Variants in NFIC observed in about 807,000 individuals in gnomAD.
NFIC encodes the protein nuclear factor 1 C-type.
NFIC carries 12 observed loss-of-function variants against 54.4 expected under a neutral mutation model. The ratio of observed to expected loss-of-function variants is 0.22; its 90% CI spans 0.14 to 0.36. The LOEUF (loss-of-function observed/expected upper bound fraction) is 0.36. Among genes scored for constraint, NFIC ranks in the 10% least tolerant of loss-of-function variants. The pLI is 1.00. For synonymous variants in NFIC, 322 were observed against 319.2 expected (o/e 1.01, Z -0.09); for missense variants, 575 against 718.2 (o/e 0.80, Z 2.28).
In NFIC at chr19:3,369,036, A is replaced by C. The variant is rs2080950066; in HGVS notation, c.30+2370A>C. On this transcript the variant is annotated intron_variant, in intron 1 of 10. Transcript: ENST00000443272. The surrounding 1 kb of genome is among the most constrained non-coding windows in gnomAD (Gnocchi z 4.3). The stretch of plus-strand genomic sequence containing the variant: ...TGGTCTCTTTGTGTCTCTCTTTCTC[A>C]TCCTCTGTCTCTCTGATGTCTCAGT... Among the ~76,000 whole-genome samples the C allele has an allele frequency of 1.4e-5, 2 of 143,712 alleles. No individual in the cohort carries two copies. Among genetic ancestry groups the C allele is most frequent in the Non-Finnish European group, 1.5e-5 (1 of 65,996 alleles). The allele number at this position is 143,712 out of a possible 152,430, so 94.3% of individuals were successfully genotyped here.
In NFIC at chr19:3,381,911, T is replaced by A; in HGVS notation, c.230T>A (p.Leu77Gln). The change falls in exon 2 of 11, where the codon CTG (leucine) becomes CAG (glutamine). Residue 77 changes from leucine (L) to glutamine (Q), a missense_variant. Coordinates refer to ENST00000443272, the MANE Select transcript of NFIC (RefSeq NM_001245002.2). ...AAGCAGAAGTGGGCGTCGCGGCTGCTGGCCAAGCTGCGCAAGGACATCCGG... is the reference window on the plus strand; with the variant it reads ...AAGCAGAAGTGGGCGTCGCGGCTGCAGGCCAAGCTGCGCAAGGACATCCGG... ...EVKQKWASRL[L>Q]AKLRKDIRPE... 6.2e-7 allele frequency: 1 copy of A among 1,613,738 alleles called. No homozygotes were observed. The highest frequency in any genetic ancestry group is 8.5e-7 in the Non-Finnish European group (1 of 1,179,928).
rs903524909 is a variant in NFIC at position 3,463,299 on chromosome 19, C to T, written c.*530C>T. 79 of 988,528 alleles carry T rather than the reference C, an allele frequency of 8.0e-5. No homozygotes were observed. In the South Asian group the frequency reaches 1.5e-3, roughly 19 times the overall value. The allele number at this position is 988,528 out of a possible 1,614,324, so 61.2% of individuals were successfully genotyped here. ...CCCCGCGCCTCTGCCGGACACGGAC[C>T]GGCCCCTCAGCCCCCACCGAGGACG... On this transcript the variant is annotated 3_prime_UTR_variant, in exon 11 of 11. Coordinates refer to ENST00000443272, the MANE Select transcript of NFIC (RefSeq NM_001245002.2).
chr19:3,417,080 T>C (rs2081870396), intron 2 of NFIC, among the ~76,000 whole-genome samples: 2 of 150,268 alleles, frequency 1.3e-5, no homozygotes, highest in South Asian at 4.2e-4. Flanking sequence ...AGAGATGGGG[T>C]TTCACCATGT....
At chr19:3,443,650 G>A (rs2082326969) in intron 6 of NFIC, among the ~76,000 whole-genome samples, 1 of 152,058 alleles carries the variant, frequency 6.6e-6, no homozygotes, top group Non-Finnish European at 1.5e-5. Context: ...TCTCTTGGGG[G>A]TCCATGGAAT....
chr19:3,365,548 C>T (rs998313415), upstream of NFIC, among the ~76,000 whole-genome samples: 1 of 152,164 alleles, frequency 6.6e-6, no homozygotes. Context: ...AGGTCTCTGC[C>T]CTGTTACGTC....
At chr19:3,432,435 G>A (rs2082134270) in intron 3 of NFIC, among the ~76,000 whole-genome samples, 1 of 152,158 alleles carries the variant, frequency 6.6e-6, no homozygotes, top group Non-Finnish European at 1.5e-5. Flanking sequence ...CCAGTCTGAA[G>A]GGGAGAAGAA....
At chr19:3,420,611 G>A (rs908762321) in intron 2 of NFIC, among the ~76,000 whole-genome samples, 3 of 141,986 alleles carry the variant, frequency 2.1e-5, no homozygotes, top group Non-Finnish European at 4.7e-5. Flanking sequence ...CACCATCAAA[G>A]ACAGTACCAA....
chr19:3,381,566 G>T (rs904204141), intron 1 of NFIC, 146 bp from the exon 2 acceptor site: 1 of 1,269,642 alleles, frequency 7.9e-7, no homozygotes, highest in African/African-American at 1.5e-5. Context: ...GCACGGGTCC[G>T]CAGCGACCCC....
chr19:3,434,018 C>A (rs2082160671), intron 4 of NFIC, among the ~76,000 whole-genome samples: 1 of 152,172 alleles, frequency 6.6e-6, no homozygotes, highest in Non-Finnish European at 1.5e-5. Flanking sequence ...CTGACTGACA[C>A]CTTCCCTGTC....
intron 3 of NFIC, among the ~76,000 whole-genome samples, chr19:3,427,337 A>C (rs569957242): frequency 6.6e-6 from 1 of 152,274 alleles, no homozygotes; most frequent in East Asian, 1.9e-4. Context: ...TCATCTCCCC[A>C]GTGGAATGTC....
At chr19:3,392,165 G>A (rs529157320) in intron 2 of NFIC, among the ~76,000 whole-genome samples, 5 of 141,252 alleles carry the variant, frequency 3.5e-5, no homozygotes, top group African/African-American at 5.4e-5. Context: ...TCCACCTCCC[G>A]GGTTCAAGTG....
chr19:3,396,396 T>C (rs1162450154), intron 2 of NFIC, among the ~76,000 whole-genome samples: 2 of 141,978 alleles, frequency 1.4e-5, no homozygotes, highest in East Asian at 2.1e-4. Flanking sequence ...GGTGTGGACC[T>C]GGGAGGCGGA....
rs2080993001 is a variant in NFIC at position 3,370,750 on chromosome 19, C to T, written c.30+4084C>T. Among the ~76,000 whole-genome samples, 1 of 151,972 alleles carries T rather than the reference C, an allele frequency of 6.6e-6. No individual in the cohort carries two copies. Among genetic ancestry groups the T allele is most frequent in the Non-Finnish European group, 1.5e-5 (1 of 68,010 alleles). On this transcript the variant is annotated intron_variant, in intron 1 of 10. Coordinates refer to ENST00000443272, the MANE Select transcript of NFIC (RefSeq NM_001245002.2). This position sits in a 1 kb window ranked among gnomAD's most constrained non-coding sequence, Gnocchi z 5.2. ...TCTCTGTTCCTCCTCTTCTTTCTCT[C>T]TCTCTGTCTCTCTGAGCTGGCCTCC...
intron 1 of NFIC, among the ~76,000 whole-genome samples, chr19:3,373,976 G>A (rs529918102): frequency 6.6e-6 from 1 of 152,318 alleles, no homozygotes; most frequent in South Asian, 2.1e-4. Context: ...ATGGGCCTGG[G>A]GTTGTCCGTG....
intron 3 of NFIC, among the ~76,000 whole-genome samples, chr19:3,430,287 A>C (rs532078053): frequency 6.6e-6 from 1 of 150,784 alleles, no homozygotes; most frequent in East Asian, 2.0e-4. Flanking sequence ...CAGTGGCGCA[A>C]TCTCGGCTCA....
chr19:3,434,403 A>G lies in NFIC; in HGVS notation c.833+3A>G. On this transcript the variant is annotated splice_donor_region_variant and intron_variant, in intron 5 of 10. Coordinates refer to ENST00000443272, the MANE Select transcript of NFIC (RefSeq NM_001245002.2). Reference sequence around the variant, plus strand: ...CTGCCCAGCACCTCCTCCAGTGGGTAAGTACCCAGGTCCCCACCTCTGGGC... The same window carrying G: ...CTGCCCAGCACCTCCTCCAGTGGGTGAGTACCCAGGTCCCCACCTCTGGGC... The G allele has an allele frequency of 6.2e-7, 1 of 1,601,730 alleles. No homozygotes were observed. The highest frequency in any genetic ancestry group is 8.5e-7 in the Non-Finnish European group (1 of 1,173,518).
At chr19:3,380,445 C>T (rs2081187869) in intron 1 of NFIC, among the ~76,000 whole-genome samples, 1 of 150,336 alleles carries the variant, frequency 6.7e-6, no homozygotes, top group Non-Finnish European at 1.5e-5. Context: ...CCTGTCTCAG[C>T]CTCCTGAGTA....
chr19:3,395,185 C>G (rs1264562978), intron 2 of NFIC, among the ~76,000 whole-genome samples: 3 of 152,076 alleles, frequency 2.0e-5, no homozygotes, highest in Non-Finnish European at 2.9e-5. Context: ...GTGGTGAAAC[C>G]CCATCTCTAC....
In NFIC at chr19:3,459,012, C is replaced by T. The variant is rs2082601570; in HGVS notation, c.1509+2377C>T. Among the ~76,000 whole-genome samples, 1 of 152,080 alleles carries T rather than the reference C, an allele frequency of 6.6e-6. No homozygotes were observed. On this transcript the variant is annotated intron_variant, in intron 10 of 10. Coordinates refer to ENST00000443272, the MANE Select transcript of NFIC (RefSeq NM_001245002.2). The surrounding 1 kb of genome is among the most constrained non-coding windows in gnomAD (Gnocchi z 4.2). ...GGGCGCCGCCACCTCCCTGCAGACC[C>T]CGGAGAGAGGGAGGGAAGAAGCAGT...
Sources: allele counts gnomAD v4.1 joint callset (sites outside exome capture counted in the v4.1 genomes callset), GRCh38; gene constraint gnomAD v4.1.1; non-coding constraint Gnocchi (gnomAD v3.1); transcripts MANE v1.5; gene names NCBI Gene and HGNC (gene_info 2026-07-23, HGNC 2026-07-21).